Variants in NSD1 observed in about 807,000 individuals in gnomAD.
NSD1 encodes the protein histone-lysine N-methyltransferase, H3 lysine-36 specific.
NSD1 carries 26 observed loss-of-function variants against 242.7 expected under a neutral mutation model. The observed-to-expected ratio is 0.11, with a 90% confidence interval of 0.08 to 0.15. The LOEUF (loss-of-function observed/expected upper bound fraction) is 0.15. Ranked by LOEUF, NSD1 falls within the 10% of genes least tolerant of loss-of-function variation. NSD1 has a pLI of 1.00. For synonymous variants in NSD1, 1,106 were observed against 1,178.1 expected (o/e 0.94, Z 1.25); for missense variants, 2,495 against 3,272.8 (o/e 0.76, Z 5.80).
rs752716636 is a variant in NSD1, at chr5:177,211,468, A to T, written c.3069A>T (p.Arg1023=). The change falls in exon 5 of 23, where the codon CGA becomes CGT. Residue 1023 remains arginine (R), a synonymous_variant. Coordinates refer to ENST00000439151, the MANE Select transcript of NSD1 (RefSeq NM_022455.5). ...SDCVTRRNCG[R]SKPSSKLRDA... ...GTGTTACTAGGCGCAACTGTGGACG[A>T]TCAAAGCCTTCATCCAAATTGCGAG... 1 of 1,614,176 alleles carries T rather than the reference A, an allele frequency of 6.2e-7. No individual in the cohort carries two copies. Among genetic ancestry groups the T allele is most frequent in the Non-Finnish European group, 8.5e-7 (1 of 1,180,038 alleles).
At chr5:177,261,215 G>A (rs184976063) in intron 14 of NSD1, among the ~76,000 whole-genome samples, 5 of 147,924 alleles carry the variant, frequency 3.4e-5, no homozygotes, top group Admixed American at 1.4e-4. Context: ...GATTACAGGC[G>A]TTCAACATCA....
intron 14 of NSD1, chr5:177,266,519 G>A: frequency 1.6e-6 from 1 of 632,992 alleles, no homozygotes; most frequent in Non-Finnish European, 2.8e-6. Context: ...TCGACGTTCG[G>A]CTTCTCGCTG....
At position 177,268,777 on chromosome 5, in the gene NSD1, A is replaced by G. The variant is rs568646347; in HGVS notation, c.5304-825A>G. 1.6e-3 allele frequency among the ~76,000 whole-genome samples: 236 copies of G among 152,168 alleles called. 1 individual carries two copies. The highest frequency in any genetic ancestry group is 5.4e-3 in the African/African-American group (223 of 41,508). On this transcript the variant is annotated intron_variant, in intron 15 of 22. Coordinates refer to ENST00000439151, the MANE Select transcript of NSD1 (RefSeq NM_022455.5). ...ATTATTGTTGATACATTTTCCTGCA[A>G]CTTTTTTCATTCACTTTTATGCCCC...
chr5:177,147,442 A>G (rs1757346386), intron 2 of NSD1, among the ~76,000 whole-genome samples: 1 of 151,984 alleles, frequency 6.6e-6, no homozygotes, highest in Non-Finnish European at 1.5e-5. Flanking sequence ...CAGTTACTAA[A>G]CTTTTTTTCC....
chr5:177,277,894 C>A (rs1176219100), intron 17 of NSD1, among the ~76,000 whole-genome samples: 1 of 152,100 alleles, frequency 6.6e-6, no homozygotes, highest in African/African-American at 2.4e-5. Context: ...TAGCATGAAC[C>A]TTTATGTGTA....
chr5:177,293,085 T>C (rs979355982), intron 22 of NSD1, among the ~76,000 whole-genome samples: 18 of 152,140 alleles, frequency 1.2e-4, no homozygotes, highest in Admixed American at 2.6e-4. Flanking sequence ...GGAAGTAGAA[T>C]TGTTTCAGAA....
chr5:177,264,028 ATTTT>A (rs61538775), intron 14 of NSD1, among the ~76,000 whole-genome samples: 12,858 of 75,584 alleles, frequency 0.17, 1,133 homozygotes, highest in Middle Eastern at 0.29. Context: ...CAATGAACCA[ATTTT>A]TTTTTTTTTT....
chr5:177,234,893 A>G lies in NSD1; in HGVS notation c.3797-928A>G, dbSNP rs116721125. ...TGTTTCTTCTTACCTTATAAAATAA[A>G]ACAGTATACAGTAACCTTTTAATCA... On this transcript the variant is annotated intron_variant, in intron 5 of 22. Transcript: ENST00000439151. Among the ~76,000 whole-genome samples, 651 of 152,296 alleles carry G rather than the reference A, an allele frequency of 4.3e-3. 3 individuals carry two copies. The highest frequency in any genetic ancestry group is 0.014 in the African/African-American group (595 of 41,570).
chr5:177,276,379 C>T (rs1247510025), intron 17 of NSD1, among the ~76,000 whole-genome samples: 1 of 151,228 alleles, frequency 6.6e-6, no homozygotes, highest in Admixed American at 6.6e-5. Context: ...GGCTGGGGTG[C>T]AGTGGCGTGG....
chr5:177,228,514 G>A (rs1490816279), intron 5 of NSD1, among the ~76,000 whole-genome samples: 1 of 151,974 alleles, frequency 6.6e-6, no homozygotes, highest in Non-Finnish European at 1.5e-5. Context: ...ACCAGCCCCG[G>A]CCTAGGCTGA....
chr5:177,257,847 T>A (rs150888893), intron 13 of NSD1, among the ~76,000 whole-genome samples: 3 of 78,938 alleles, frequency 3.8e-5, no homozygotes, highest in African/African-American at 6.6e-5. Flanking sequence ...ATTTTATTTT[T>A]TTTTGAGACG....
At chr5:177,185,728 T>A (rs1409415703) in intron 2 of NSD1, among the ~76,000 whole-genome samples, 1 of 106,028 alleles carries the variant, frequency 9.4e-6, no homozygotes, top group Non-Finnish European at 1.7e-5. Context: ...TATTATATAT[T>A]ATATATATTT....
chr5:177,241,644 G>A (rs1056986719), intron 8 of NSD1, among the ~76,000 whole-genome samples: 8 of 152,084 alleles, frequency 5.3e-5, no homozygotes, highest in East Asian at 3.8e-4. Context: ...GGGGGTTGCC[G>A]TTAAATTTGG....
intron 2 of NSD1, among the ~76,000 whole-genome samples, chr5:177,171,311 A>AC (rs1435870124): frequency 5.9e-5 from 9 of 152,094 alleles, no homozygotes. Context: ...GTCTCCAAAA[A>AC]AAAAAAAGGA....
intron 2 of NSD1, among the ~76,000 whole-genome samples, chr5:177,139,324 CG>C (rs1562104300): frequency 6.9e-6 from 1 of 144,662 alleles, no homozygotes; most frequent in Non-Finnish European, 1.5e-5. Flanking sequence ...ATTAGCTGGG[CG>C]TGGTGGCAGG....
intron 14 of NSD1, among the ~76,000 whole-genome samples, chr5:177,262,591 C>CT (rs1757076394): frequency 1.3e-5 from 2 of 152,340 alleles, no homozygotes; most frequent in South Asian, 4.1e-4. Context: ...AATAATACAG[C>CT]TACAAGGCTG....
At chr5:177,186,331 T>G (rs1427371666) in intron 2 of NSD1, among the ~76,000 whole-genome samples, 78 of 151,394 alleles carry the variant, frequency 5.2e-4, no homozygotes, top group Non-Finnish European at 1.8e-4. Context: ...TGGCTATTTT[T>G]TAATATTTAG....
chr5:177,253,449 ATAGT>A lies in NSD1; in HGVS notation c.4765+1598_4765+1601del, dbSNP rs532154009. 1.0e-3 allele frequency among the ~76,000 whole-genome samples: 154 copies of A among 152,214 alleles called. 1 individual carries two copies. The highest frequency in any genetic ancestry group is 3.7e-3 in the African/African-American group (152 of 41,510). ...TTCAGTCAGGTTGTTGTGTGTATTG[ATAGT>A]TCATTTCTTTTTATTGCTGAGTAGT... is the stretch of plus-strand genomic sequence containing the variant. On this transcript the variant is annotated intron_variant, in intron 12 of 22. Coordinates refer to ENST00000439151, the MANE Select transcript of NSD1 (RefSeq NM_022455.5).
At chr5:177,262,173 G>A (rs1757047382) in intron 14 of NSD1, among the ~76,000 whole-genome samples, 1 of 152,058 alleles carries the variant, frequency 6.6e-6, no homozygotes, top group Non-Finnish European at 1.5e-5. Flanking sequence ...TCCTCTGTAG[G>A]GCTGACTTTT....
Sources: gnomAD v4.1 joint callset for allele counts (sites outside exome capture counted in the v4.1 genomes callset) on GRCh38, gnomAD v4.1.1 for gene constraint, MANE v1.5 for transcripts, NCBI Gene and HGNC (gene_info 2026-07-23, HGNC 2026-07-21) for gene names.